ARMC8: variants seen among roughly 807,000 people sequenced by gnomAD.
The protein encoded by ARMC8 is armadillo repeat-containing protein 8.
In ARMC8, 20 loss-of-function variants were observed where a neutral mutation model predicts 99.3. The ratio of observed to expected loss-of-function variants is 0.20; its 90% CI spans 0.14 to 0.29. The LOEUF (loss-of-function observed/expected upper bound fraction) is 0.29. Among genes scored for constraint, ARMC8 ranks in the 10% least tolerant of loss-of-function variants. The pLI, the probability that ARMC8 is intolerant of heterozygous loss-of-function variation, is 1.00. For missense variants in ARMC8, 569 were observed against 809.5 expected, an observed-to-expected ratio of 0.70 and a Z score of 3.60; for synonymous variants, 263 against 278.3, an observed-to-expected ratio of 0.95 and a Z score of 0.55.
chr3:138,248,675 T>G (rs2046989292), intron 12 of ARMC8, among the ~76,000 whole-genome samples: 1 of 152,190 alleles, frequency 6.6e-6, no homozygotes, highest in South Asian at 2.1e-4. Context: ...ATCACTTGAT[T>G]AGGACCTGTC....
intron 18 of ARMC8, among the ~76,000 whole-genome samples, chr3:138,275,137 A>G (rs1466754288): frequency 6.6e-6 from 1 of 152,214 alleles, no homozygotes; most frequent in Non-Finnish European, 1.5e-5. Flanking sequence ...TTTAATGAAT[A>G]TATTTTATTT....
intron 3 of ARMC8, among the ~76,000 whole-genome samples, 161 bp from the exon 4 acceptor site, chr3:138,223,228 A>G (rs1057349413): frequency 1.3e-5 from 2 of 152,092 alleles, no homozygotes; most frequent in African/African-American, 2.4e-5. Context: ...TTTTTTCCAG[A>G]TGTTTCTTTA....
Position 138,294,971 on chromosome 3 carries a change from T to C in ARMC8, c.1989-888T>C, listed in dbSNP as rs999293596. On this transcript the variant is annotated intron_variant, in intron 21 of 21. Coordinates refer to ENST00000469044, the MANE Select transcript of ARMC8 (RefSeq NM_001363941.2). ...TGGAGTGCAATGGCACCATCTCAGC[T>C]CACTGCAACCTCCACCCACCAGGTT... 7.9e-5 allele frequency among the ~76,000 whole-genome samples: 12 copies of C among 151,780 alleles called. No individual in the cohort carries two copies. In the East Asian group the frequency reaches 2.3e-3, roughly 30 times the overall value.
intron 14 of ARMC8, among the ~76,000 whole-genome samples, chr3:138,264,868 T>G (rs988555908): frequency 1.3e-5 from 2 of 151,844 alleles, no homozygotes; most frequent in African/African-American, 2.4e-5. Flanking sequence ...AGATAATGTG[T>G]TGTTCTTAGT....
intron 1 of ARMC8, among the ~76,000 whole-genome samples, chr3:138,191,119 C>T (rs1473791920): frequency 6.6e-6 from 1 of 152,140 alleles, no homozygotes; most frequent in East Asian, 1.9e-4. Context: ...TCTATCTTGT[C>T]GTATTAGAGA....
At chr3:138,293,146 A>G (rs770972814) in intron 21 of ARMC8, among the ~76,000 whole-genome samples, 1 of 152,140 alleles carries the variant, frequency 6.6e-6, no homozygotes, top group Non-Finnish European at 1.5e-5. Flanking sequence ...GGGGAGAGGA[A>G]CTTAACTAAC....
At chr3:138,187,717 A>T in intron 1 of ARMC8, 118 bp downstream of exon 1, 1 of 1,151,354 alleles carries the variant, frequency 8.7e-7, no homozygotes, top group Non-Finnish European at 1.2e-6. Flanking sequence ...ACCCCGGCTC[A>T]GTCTCGGGCC....
chr3:138,205,943 C>T (rs552201320), intron 1 of ARMC8, among the ~76,000 whole-genome samples: 12 of 152,284 alleles, frequency 7.9e-5, no homozygotes, highest in Non-Finnish European at 1.5e-4. Context: ...AAGCCACATA[C>T]GTGATTTAAA....
intron 1 of ARMC8, among the ~76,000 whole-genome samples, chr3:138,207,343 CAG>C (rs1471173338): frequency 6.6e-6 from 1 of 152,282 alleles, no homozygotes; most frequent in East Asian, 1.9e-4. Context: ...TTCTTGAGAA[CAG>C]GGACTGTGCC....
rs1307616234 is a variant in ARMC8, at chr3:138,245,335, C to A, written c.1134+152C>A. ...GGCATAATTGAAGAATGAATGGGAC[C>A]CGGATTTGGGGGGTTGTTTGTTTGT... On this transcript the variant is annotated intron_variant, in intron 12 of 21. Coordinates refer to ENST00000469044, the MANE Select transcript of ARMC8 (RefSeq NM_001363941.2). The A allele has an allele frequency of 4.6e-6, 7 of 1,506,760 alleles. No homozygotes were observed. The East Asian group carries it at 1.2e-4, about 25-fold the overall frequency. 93.3% of individuals were successfully genotyped at this position (1,506,760 alleles called of 1,614,324 possible). A position where few individuals can be genotyped will look rare whatever the true frequency, so the allele number is the denominator to read the frequency against.
intron 10 of ARMC8, 27 bp from the exon 11 acceptor site, chr3:138,241,756 C>A: frequency 6.2e-7 from 1 of 1,609,190 alleles, no homozygotes; most frequent in Non-Finnish European, 8.5e-7. Context: ...TACCAAAAAG[C>A]AAATAATTAA....
intron 1 of ARMC8, chr3:138,188,645 A>G: frequency 2.9e-6 from 4 of 1,377,716 alleles, no homozygotes; most frequent in Non-Finnish European, 4.1e-6. Context: ...TTGGATTATA[A>G]ATGACTTGTC....
intron 6 of ARMC8, among the ~76,000 whole-genome samples, chr3:138,231,596 T>G (rs1264405231): frequency 1.3e-5 from 2 of 152,190 alleles, no homozygotes; most frequent in Non-Finnish European, 2.9e-5. Flanking sequence ...TACTCAGATT[T>G]CTGAGCCTAT....
At chr3:138,292,198 C>T (rs771005480) in intron 21 of ARMC8, among the ~76,000 whole-genome samples, 28 of 152,032 alleles carry the variant, frequency 1.8e-4, no homozygotes, top group African/African-American at 6.8e-4. Context: ...CCACCACGCC[C>T]AGCTAATTTT....
At chr3:138,266,935 C>T (rs1434908181) in intron 14 of ARMC8, among the ~76,000 whole-genome samples, 2 of 152,162 alleles carry the variant, frequency 1.3e-5, no homozygotes, top group East Asian at 3.8e-4. Flanking sequence ...AGTGAGGCTG[C>T]AGCTTCTCCA....
At chr3:138,295,734 C>T (rs1029712154) in intron 21 of ARMC8, 125 bp from the exon 22 acceptor site, 22 of 1,022,624 alleles carry the variant, frequency 2.2e-5, no homozygotes, top group Non-Finnish European at 3.0e-5. Flanking sequence ...CCCACCTGGG[C>T]TCACCCCAAT....
At position 138,296,063 on chromosome 3, in the gene ARMC8, T is replaced by A. The variant is rs939062031; in HGVS notation, c.*171T>A. On this transcript the variant is annotated 3_prime_UTR_variant, in exon 22 of 22. Coordinates refer to ENST00000469044, the MANE Select transcript of ARMC8 (RefSeq NM_001363941.2). ...CTCAAATTCATCTTGAGAACATTTTTTTGAGGTAGTAATTTCCTCAGAAGA... is the reference window on the plus strand; with the variant it reads ...CTCAAATTCATCTTGAGAACATTTTATTGAGGTAGTAATTTCCTCAGAAGA... 3.1e-5 allele frequency: 17 copies of A among 551,030 alleles called. No individual in the cohort carries two copies. In the African/African-American group the frequency reaches 3.3e-4, roughly 11 times the overall value. The allele number at this position is 551,030 out of a possible 1,614,324, so 34.1% of individuals were successfully genotyped here.
chr3:138,221,943 T>C lies in ARMC8; in HGVS notation c.140T>C (p.Val47Ala). 1 of 1,613,418 alleles carries C rather than the reference T, an allele frequency of 6.2e-7. No individual in the cohort carries two copies. The highest frequency in any genetic ancestry group is 8.5e-7 in the Non-Finnish European group (1 of 1,179,502). ...LQGVIDMKNA[V>A]IGNNKQKANL... ...TAATTCAGAGACATGAAAAATGCTGTAATTGGAAACAACAAGCAGAAAGCC... is the reference window on the plus strand; with the variant it reads ...TAATTCAGAGACATGAAAAATGCTGCAATTGGAAACAACAAGCAGAAAGCC... Residue 47 changes from valine to alanine, a missense_variant, in exon 3 of 22, where the codon GTA (valine) becomes GCA (alanine). This residue lies in a region of ARMC8 where 342 missense variants were observed against 391.6 expected (regional missense o/e 0.87). Transcript: ENST00000469044.
intron 21 of ARMC8, among the ~76,000 whole-genome samples, chr3:138,292,814 G>A (rs187913217): frequency 4.6e-5 from 7 of 152,178 alleles, no homozygotes; most frequent in Admixed American, 2.0e-4. Context: ...GAGAAAGGAG[G>A]ACTAAGGACC....
Sources: gnomAD v4.1 joint callset for allele counts (sites outside exome capture counted in the v4.1 genomes callset) on GRCh38, gnomAD v4.1.1 for gene constraint, gnomAD v4.1.1 regional missense constraint, MANE v1.5 for transcripts, NCBI Gene and HGNC (gene_info 2026-07-23, HGNC 2026-07-21) for gene names.